The following PLA2G5 variants were observed in gnomAD, a reference collection of about 807,000 sequenced individuals.
PLA2G5 encodes the protein Ca2+-dependent phospholipase A2.
In PLA2G5, 12 loss-of-function variants were observed where a neutral mutation model predicts 15.9. That is an observed-to-expected ratio of 0.76 (90% CI 0.48 to 1.23). The LOEUF (loss-of-function observed/expected upper bound fraction) is 1.23. PLA2G5 is among the 50% of genes most tolerant of loss of function. PLA2G5 has a pLI of 0.00. For missense variants in PLA2G5, 169 were observed against 177.1 expected (o/e 0.95, Z 0.26); for synonymous variants, 71 against 71.4 (o/e 0.99, Z 0.03).
chr1:20,088,680 A>G (rs959384146), intron 3 of PLA2G5: 1 of 153,728 alleles, frequency 6.5e-6, no homozygotes, highest in Non-Finnish European at 1.5e-5. Context: ...CACCTAACAT[A>G]CAGTCATCCC....
At position 20,041,955 on chromosome 1, in the gene PLA2G5, C is replaced by T. The variant is rs185479193; in HGVS notation, n.276+13246C>T. The stretch of plus-strand genomic sequence containing the variant: ...TGATGGCCCTTGCAGTGAATGACTC[C>T]AGCTTCCTTTGGAAGTAAAGCAGCC... On this transcript the variant is annotated intron_variant and non_coding_transcript_variant, in intron 1 of 6. Transcript: ENST00000460175. Among the ~76,000 whole-genome samples the T allele has an allele frequency of 4.6e-5, 7 of 152,278 alleles. No individual in the cohort carries two copies. The East Asian group carries it at 1.2e-3, about 25-fold the overall frequency.
chr1:20,070,949 G>C (rs897044669), intron 1 of PLA2G5: 2 of 152,216 alleles, frequency 1.3e-5, no homozygotes, highest in Non-Finnish European at 2.9e-5. Context: ...AGGAGGGTAA[G>C]ATGCCCTTAT....
chr1:20,029,828 G>A (rs1008361731), intron 1 of PLA2G5, among the ~76,000 whole-genome samples: 1 of 152,196 alleles, frequency 6.6e-6, no homozygotes, highest in African/African-American at 2.4e-5. Flanking sequence ...GTTAATGTCT[G>A]GAGATTGAAA....
At chr1:20,068,736 C>A, upstream of PLA2G5, 3 of 321,880 alleles carry the variant, frequency 9.3e-6, no homozygotes, top group South Asian at 8.0e-5. Flanking sequence ...CAGGAGTGAG[C>A]CCCCACGCCC....
intron 1 of PLA2G5, among the ~76,000 whole-genome samples, chr1:20,082,235 A>C (rs11573256): frequency 2.0e-5 from 3 of 151,904 alleles, no homozygotes; most frequent in African/African-American, 7.3e-5. Context: ...GGTTTTATAC[A>C]TGGCATACTT....
chr1:20,041,818 C>A (rs1362588813), intron 1 of PLA2G5, among the ~76,000 whole-genome samples: 4 of 151,916 alleles, frequency 2.6e-5, no homozygotes, highest in Non-Finnish European at 5.9e-5. Context: ...TGGGAGTGAC[C>A]AAAGAGAAGG....
intron 3 of PLA2G5, among the ~76,000 whole-genome samples, chr1:20,089,214 C>T (rs895248462): frequency 1.3e-5 from 2 of 152,206 alleles, no homozygotes; most frequent in African/African-American, 4.8e-5. Flanking sequence ...AAAGACTGTA[C>T]ATGTTTAGTA....
At chr1:20,063,134 A>G (rs2014824849) in intron 2 of PLA2G5, among the ~76,000 whole-genome samples, 1 of 152,124 alleles carries the variant, frequency 6.6e-6, no homozygotes, top group Non-Finnish European at 1.5e-5. Flanking sequence ...TCAAGGCTGC[A>G]GTGAGCTATG....
At chr1:20,029,178 C>T (rs1398966028) in intron 1 of PLA2G5, among the ~76,000 whole-genome samples, 1 of 152,120 alleles carries the variant, frequency 6.6e-6, no homozygotes, top group African/African-American at 2.4e-5. Flanking sequence ...ATGTGGAAAC[C>T]AGAAGGGAGA....
chr1:20,031,031 A>G (rs930586002), intron 1 of PLA2G5, among the ~76,000 whole-genome samples: 3 of 152,206 alleles, frequency 2.0e-5, no homozygotes, highest in African/African-American at 7.2e-5. Flanking sequence ...TAGTAAGGGT[A>G]TCCCCTGTGA....
At position 20,089,742 on chromosome 1, in the gene PLA2G5, A is replaced by G. The variant is rs369514540; in HGVS notation, c.186-47A>G. The G allele has an allele frequency of 8.1e-6, 12 of 1,476,458 alleles. No individual in the cohort carries two copies. In the African/African-American group the frequency reaches 9.7e-5, roughly 12 times the overall value. 91.5% of individuals were successfully genotyped at this position (1,476,458 alleles called of 1,614,324 possible). Reference sequence around the variant, plus strand: ...TTTTGCTCCTATTAGGGATGGGGTCAGGAGGGCACCCCTCCCACTCGGGAT... The same window carrying G: ...TTTTGCTCCTATTAGGGATGGGGTCGGGAGGGCACCCCTCCCACTCGGGAT... On this transcript the variant is annotated intron_variant, in intron 3 of 4. Coordinates refer to ENST00000375108, the MANE Select transcript of PLA2G5 (RefSeq NM_000929.3).
chr1:20,076,193 G>A (rs11573218), intron 1 of PLA2G5, among the ~76,000 whole-genome samples: 51,256 of 152,020 alleles, frequency 0.34, 9,595 homozygotes, highest in Middle Eastern at 0.44. Flanking sequence ...TGTCTGTCTA[G>A]GATCTCTTAG....
chr1:20,041,269 C>A (rs1045828456), intron 1 of PLA2G5, among the ~76,000 whole-genome samples: 1 of 152,140 alleles, frequency 6.6e-6, no homozygotes, highest in Non-Finnish European at 1.5e-5. Context: ...TCTGGGAGCA[C>A]CCCCTCCAGA....
intron 2 of PLA2G5, among the ~76,000 whole-genome samples, chr1:20,061,551 A>C (rs901483726): frequency 2.1e-5 from 3 of 144,284 alleles, no homozygotes; most frequent in Non-Finnish European, 4.5e-5. Context: ...GCACCACTGC[A>C]CTCCAGCCTG....
chr1:20,052,548 C>G (rs545235561), intron 1 of PLA2G5, among the ~76,000 whole-genome samples: 1 of 152,098 alleles, frequency 6.6e-6, no homozygotes, highest in African/African-American at 2.4e-5. Flanking sequence ...CCTTCCTCCC[C>G]GTATTTTCTC....
At chr1:20,077,867 TA>T (rs1479745067) in intron 1 of PLA2G5, among the ~76,000 whole-genome samples, 1 of 152,176 alleles carries the variant, frequency 6.6e-6, no homozygotes, top group Non-Finnish European at 1.5e-5. Flanking sequence ...ATTCCTTCAT[TA>T]AGCATTGTTT....
At chr1:20,067,411 G>A (rs2015091922), upstream of PLA2G5, among the ~76,000 whole-genome samples, 1 of 152,336 alleles carries the variant, frequency 6.6e-6, no homozygotes, top group African/African-American at 2.4e-5. Flanking sequence ...AATTAGGCCA[G>A]GTTTGGTGGC....
chr1:20,032,768 T>G (rs977698086), intron 1 of PLA2G5, among the ~76,000 whole-genome samples: 1 of 152,192 alleles, frequency 6.6e-6, no homozygotes, highest in African/African-American at 2.4e-5. Flanking sequence ...TGAGTGAGGT[T>G]TGTTCTTCCT....
chr1:20,050,037 C>T (rs1233522172), intron 1 of PLA2G5, among the ~76,000 whole-genome samples: 1 of 152,036 alleles, frequency 6.6e-6, no homozygotes, highest in African/African-American at 2.4e-5. Context: ...TTTCTTTTGC[C>T]TTTTGGTAAC....
Sources: allele counts gnomAD v4.1 joint callset (sites outside exome capture counted in the v4.1 genomes callset), GRCh38; gene constraint gnomAD v4.1.1; transcripts MANE v1.5; gene names NCBI Gene and HGNC (gene_info 2026-07-23, HGNC 2026-07-21).